Variants in POLK observed in about 807,000 individuals in gnomAD.
POLK encodes the protein DNA polymerase kappa.
POLK carries 76 observed loss-of-function variants against 94.0 expected under a neutral mutation model. That is an observed-to-expected ratio of 0.81 (90% confidence interval 0.67 to 0.98). The LOEUF is 0.98. Ranked by LOEUF, POLK falls within the 50% of genes least tolerant of loss-of-function variation. POLK has a pLI of 0.00. For synonymous variants in POLK, 349 were observed against 325.4 expected, an observed-to-expected ratio of 1.07 and a Z score of -0.78; for missense variants, 954 against 1,010.1, an observed-to-expected ratio of 0.94 and a Z score of 0.75.
At chr5:75,607,978 A>G in the POLK span, among the ~76,000 whole-genome samples, 1 of 152,172 alleles carries the variant, frequency 6.6e-6, no homozygotes, top group African/African-American at 2.4e-5. Context: ...TGTTTTTAAA[A>G]ATATGGAATC....
At chr5:75,561,752 A>G (rs1035645871) in intron 3 of POLK, among the ~76,000 whole-genome samples, 1 of 152,190 alleles carries the variant, frequency 6.6e-6, no homozygotes, top group East Asian at 1.9e-4. Flanking sequence ...AACACCATTT[A>G]TTAAATAGGG....
chr5:75,538,888 A>G (rs1356772771), intron 1 of POLK, among the ~76,000 whole-genome samples: 1 of 152,122 alleles, frequency 6.6e-6, no homozygotes, highest in East Asian at 1.9e-4. Flanking sequence ...CTCCTGCCTC[A>G]GCCTCCTGAG....
upstream of POLK, chr5:75,511,295 G>A (rs1767977238): frequency 7.7e-6 from 12 of 1,563,566 alleles, no homozygotes; most frequent in African/African-American, 1.2e-4. Flanking sequence ...AAGGGTCGGG[G>A]GATGGCGAAG....
At chr5:75,533,939 T>C (rs552510008) in intron 1 of POLK, among the ~76,000 whole-genome samples, 1 of 152,330 alleles carries the variant, frequency 6.6e-6, no homozygotes, top group East Asian at 1.9e-4. Flanking sequence ...AATGATTTTG[T>C]ATCCTGAAGC....
chr5:75,562,882 CT>C (rs1425914875), intron 3 of POLK, among the ~76,000 whole-genome samples: 1 of 152,104 alleles, frequency 6.6e-6, no homozygotes, highest in Non-Finnish European at 1.5e-5. Flanking sequence ...GTTGGATAAG[CT>C]TTTTAATGTA....
intron 1 of POLK, among the ~76,000 whole-genome samples, chr5:75,521,477 ATACATTTCTAGATTGATTTTTTGTG>A (rs1361191319): frequency 2.0e-5 from 3 of 151,886 alleles, no homozygotes; most frequent in African/African-American, 4.8e-5. Context: ...ATTTTCTCTG[ATACATTTCTAGATTGATTTTTTGTG>A]TTATTTGGGA....
rs764632359 is a variant in POLK at position 75,597,743 on chromosome 5, A to G, written c.2486-4A>G. The G allele has an allele frequency of 1.0e-5, 15 of 1,471,188 alleles. No individual in the cohort carries two copies. The highest frequency in any genetic ancestry group is 1.4e-5 in the Non-Finnish European group (15 of 1,098,392). 91.1% of individuals were successfully genotyped at this position (1,471,188 alleles called of 1,614,324 possible). ...GGAATTTCTTGACTTTCTTTCCTCT[A>G]AAGGTAGCTCAAGTGGAGTACAGAA... is the stretch of plus-strand genomic sequence containing the variant. On this transcript the variant is annotated splice_region_variant and splice_polypyrimidine_tract_variant and intron_variant, in intron 13 of 14. Coordinates refer to ENST00000241436, the Ensembl canonical transcript of POLK.
At position 75,511,888 on chromosome 5, in the gene POLK, G is replaced by A; in HGVS notation, c.-40G>A. ...CCGTCGCTCGCGCAGCCTCCTGGGA[G>A]TTGTAGTCGCGATCCTGAGGTAACG... On this transcript the variant is annotated 5_prime_UTR_variant, in exon 1 of 15. Coordinates refer to ENST00000241436, the Ensembl canonical transcript of POLK. 6.8e-7 allele frequency: 1 copy of A among 1,465,184 alleles called. No individual in the cohort carries two copies. The highest frequency in any genetic ancestry group is 9.3e-7 in the Non-Finnish European group (1 of 1,080,630). The allele number at this position is 1,465,184 out of a possible 1,614,324, so 90.8% of individuals were successfully genotyped here. A position where few individuals can be genotyped will look rare whatever the true frequency, so the allele number is the denominator to read the frequency against.
chr5:75,521,178 G>T (rs947996563), intron 1 of POLK, among the ~76,000 whole-genome samples: 2 of 151,856 alleles, frequency 1.3e-5, no homozygotes, highest in East Asian at 1.9e-4. Flanking sequence ...TTATTTTTTT[G>T]AATAAACTTT....
At chr5:75,605,874 G>A (rs1466991915), downstream of POLK, among the ~76,000 whole-genome samples, 6 of 151,790 alleles carry the variant, frequency 4.0e-5, no homozygotes, top group South Asian at 2.1e-4. Context: ...GGTGTTTCTC[G>A]TAAGGTGGGA....
At position 75,567,117 on chromosome 5, in the gene POLK, A is replaced by G. The variant is rs553092827; in HGVS notation, c.256-2223A>G. 7.2e-5 allele frequency among the ~76,000 whole-genome samples: 11 copies of G among 152,308 alleles called. No individual in the cohort carries two copies. In the East Asian group the frequency reaches 1.9e-3, roughly 27 times the overall value. The stretch of plus-strand genomic sequence containing the variant: ...GGCAACTACACTTGCTTTAAGCACA[A>G]AAAAAGAGAATAGCTTGCTGAAGAC... On this transcript the variant is annotated intron_variant, in intron 3 of 14. Transcript: ENST00000241436.
chr5:75,605,946 C>T (rs1051935197), downstream of POLK, among the ~76,000 whole-genome samples: 1 of 142,608 alleles, frequency 7.0e-6, no homozygotes, highest in Non-Finnish European at 1.5e-5. Context: ...TAAGGGGAAC[C>T]GGGGAACCAG....
intron 1 of POLK, among the ~76,000 whole-genome samples, chr5:75,537,427 G>C (rs1245458196): frequency 6.6e-6 from 1 of 152,316 alleles, no homozygotes; most frequent in East Asian, 1.9e-4. Flanking sequence ...AGACAAGCTG[G>C]TGCCCACCTT....
chr5:75,516,619 T>C (rs767148429), intron 1 of POLK, among the ~76,000 whole-genome samples: 1 of 152,090 alleles, frequency 6.6e-6, no homozygotes, highest in Non-Finnish European at 1.5e-5. Flanking sequence ...AAGCTGTGAT[T>C]ACACCACTGC....
chr5:75,553,709 G>A (rs1770444492), intron 3 of POLK, among the ~76,000 whole-genome samples: 1 of 152,084 alleles, frequency 6.6e-6, no homozygotes, highest in African/African-American at 2.4e-5. Context: ...ACCAAAGATG[G>A]TATCATTTTA....
chr5:75,597,747 G>A (rs764516904), exon 14 of POLK: 7 of 1,477,590 alleles, frequency 4.7e-6, no homozygotes, highest in Middle Eastern at 2.3e-4. Flanking sequence ...TCCTCTAAAG[G>A]TAGCTCAAGT....
chr5:75,526,578 T>G (rs1441449152), intron 1 of POLK, among the ~76,000 whole-genome samples: 2 of 150,380 alleles, frequency 1.3e-5, no homozygotes, highest in African/African-American at 2.4e-5. Context: ...TTTTTTGTTT[T>G]TTTTTTTTTC....
chr5:75,555,290 G>A (rs1396678908), intron 3 of POLK, among the ~76,000 whole-genome samples: 1 of 151,996 alleles, frequency 6.6e-6, no homozygotes, highest in Non-Finnish European at 1.5e-5. Flanking sequence ...AAAATACTCT[G>A]TGCTCCATCT....
chr5:75,559,513 G>GTTTTTTTT (rs1561371280), intron 3 of POLK, among the ~76,000 whole-genome samples: 2 of 68,434 alleles, frequency 2.9e-5, no homozygotes, highest in South Asian at 9.7e-4. Flanking sequence ...TTGTTTTTTT[G>GTTTTTTTT]TTTTGTTTTG....
Sources: allele counts gnomAD v4.1 joint callset (sites outside exome capture counted in the v4.1 genomes callset), GRCh38; gene constraint gnomAD v4.1.1; transcripts MANE v1.5; gene names NCBI Gene and HGNC (gene_info 2026-07-23, HGNC 2026-07-21).